The following COL28A1 variants were observed in gnomAD, a reference collection of about 807,000 sequenced individuals.
The protein encoded by COL28A1 is collagen type XXVIII alpha 1 chain.
In COL28A1, 161 loss-of-function variants were observed where a neutral mutation model predicts 150.2. The observed-to-expected ratio is 1.07, with a 90% CI of 0.94 to 1.22. COL28A1 has a LOEUF of 1.22. Ranked by LOEUF, COL28A1 falls within the 50% of genes most tolerant of loss-of-function variation. The pLI is 0.00. For missense variants in COL28A1, 1,617 were observed against 1,388.3 expected, an observed-to-expected ratio of 1.16 and a Z score of -2.62; for synonymous variants, 552 against 469.7, an observed-to-expected ratio of 1.18 and a Z score of -2.26.
At chr7:7,455,917 GACTTAT>G in intron 16 of COL28A1, 121 bp downstream of exon 16, 2 of 1,287,106 alleles carry the variant, frequency 1.6e-6, no homozygotes, top group Non-Finnish European at 2.1e-6. Context: ...TTCACTTCTG[GACTTAT>G]ACTCCACTGC....
At chr7:7,348,042 C>G in the COL28A1 span, among the ~76,000 whole-genome samples, 2 of 151,910 alleles carry the variant, frequency 1.3e-5, no homozygotes, top group Non-Finnish European at 2.9e-5. Context: ...TTAAAAATAG[C>G]AGAAGTCAAC....
At chr7:7,472,153 T>A (rs1788487425) in intron 15 of COL28A1, among the ~76,000 whole-genome samples, 1 of 152,160 alleles carries the variant, frequency 6.6e-6, no homozygotes, top group Admixed American at 6.6e-5. Context: ...TGACACATAG[T>A]ACTGGAAGTC....
At chr7:7,490,515 GC>G in intron 12 of COL28A1, 62 bp downstream of exon 12, 1 of 777,422 alleles carries the variant, frequency 1.3e-6, no homozygotes, top group East Asian at 2.6e-5. Flanking sequence ...TCAAATCATG[GC>G]TCCCCCAGGC....
intron 6 of COL28A1, among the ~76,000 whole-genome samples, chr7:7,518,089 C>T (rs920278465): frequency 3.3e-5 from 5 of 152,146 alleles, no homozygotes; most frequent in African/African-American, 1.2e-4. Context: ...GCTTACACCA[C>T]ATCCCAGTTG....
intron 11 of COL28A1, among the ~76,000 whole-genome samples, chr7:7,497,736 A>C (rs1562836214): frequency 6.6e-6 from 1 of 152,208 alleles, no homozygotes; most frequent in Non-Finnish European, 1.5e-5. Context: ...AGCCAAGGGG[A>C]AATATAATTT....
chr7:7,429,096 T>A (rs2128312551), intron 25 of COL28A1, among the ~76,000 whole-genome samples: 1 of 152,274 alleles, frequency 6.6e-6, no homozygotes, highest in South Asian at 2.1e-4. Context: ...ACCTTAATGG[T>A]TTCCTCATTT....
the COL28A1 span, among the ~76,000 whole-genome samples, chr7:7,340,093 C>T: frequency 2.6e-5 from 4 of 152,092 alleles, no homozygotes; most frequent in East Asian, 3.9e-4. Context: ...CAGATTCAAG[C>T]GGTTCTCCTG....
intron 25 of COL28A1, among the ~76,000 whole-genome samples, chr7:7,429,472 GT>G (rs147608551): frequency 0.17 from 23,079 of 137,406 alleles, 2,365 homozygotes; most frequent in Middle Eastern, 0.24. Context: ...GTGTGTGTGT[GT>G]GGGGGGGGGG....
chr7:7,362,727 G>A (rs1181788825), intron 33 of COL28A1, among the ~76,000 whole-genome samples: 1 of 152,164 alleles, frequency 6.6e-6, no homozygotes, highest in Non-Finnish European at 1.5e-5. Flanking sequence ...AGACAAAACT[G>A]TGGATTACTT....
intron 4 of COL28A1, among the ~76,000 whole-genome samples, chr7:7,523,225 T>C (rs1162141005): frequency 2.0e-5 from 3 of 151,684 alleles, no homozygotes; most frequent in African/African-American, 7.3e-5. Flanking sequence ...AGCAGCAATC[T>C]TGGCTCACTG....
At chr7:7,460,748 A>G (rs776757593) in intron 15 of COL28A1, among the ~76,000 whole-genome samples, 3 of 152,252 alleles carry the variant, frequency 2.0e-5, no homozygotes, top group Non-Finnish European at 4.4e-5. Flanking sequence ...GTCTGGATTC[A>G]AAGCTGCTTT....
chr7:7,400,531 G>A (rs774084815), intron 27 of COL28A1, among the ~76,000 whole-genome samples: 7 of 152,048 alleles, frequency 4.6e-5, no homozygotes, highest in Non-Finnish European at 1.0e-4. Context: ...GTTGTAGAAC[G>A]CATTCTCATG....
At chr7:7,416,566 A>C (rs183156259) in intron 27 of COL28A1, among the ~76,000 whole-genome samples, 39 of 152,332 alleles carry the variant, frequency 2.6e-4, no homozygotes, top group Admixed American at 4.6e-4. Context: ...TAACCACAGA[A>C]TTTAAAGATT....
intron 13 of COL28A1, among the ~76,000 whole-genome samples, chr7:7,485,311 A>AT (rs1184016732): frequency 6.6e-6 from 1 of 152,048 alleles, no homozygotes; most frequent in Non-Finnish European, 1.5e-5. Flanking sequence ...TTCTAATTCG[A>AT]TTTTTATTAT....
At chr7:7,529,289 C>CGA (rs34542201) in intron 3 of COL28A1, among the ~76,000 whole-genome samples, 2 of 127,310 alleles carry the variant, frequency 1.6e-5, no homozygotes, top group African/African-American at 6.0e-5. Context: ...AACTCTGTCT[C>CGA]AAAAAAAAAA....
chr7:7,540,066 A>T (rs1583600909), upstream of COL28A1, among the ~76,000 whole-genome samples: 1 of 115,162 alleles, frequency 8.7e-6, no homozygotes, highest in Admixed American at 8.1e-5. Flanking sequence ...ATTTTAGACC[A>T]AAAATAAATC....
intron 9 of COL28A1, among the ~76,000 whole-genome samples, chr7:7,508,682 T>G (rs546321221): frequency 3.3e-5 from 5 of 152,182 alleles, no homozygotes; most frequent in South Asian, 4.1e-4. Flanking sequence ...GTTGCTGGTG[T>G]TGTTGTTGTT....
intron 27 of COL28A1, among the ~76,000 whole-genome samples, chr7:7,398,883 T>A (rs1363242794): frequency 6.6e-6 from 1 of 152,200 alleles, no homozygotes; most frequent in African/African-American, 2.4e-5. Context: ...GATGTCAGTT[T>A]GCCTTTAACT....
At chr7:7,352,629 T>G (rs1053446021), downstream of COL28A1, among the ~76,000 whole-genome samples, 1 of 152,170 alleles carries the variant, frequency 6.6e-6, no homozygotes, top group Non-Finnish European at 1.5e-5. Flanking sequence ...CCTTTAGATG[T>G]TGGAAAAGAC....
Sources: allele counts gnomAD v4.1 joint callset (sites outside exome capture counted in the v4.1 genomes callset), GRCh38; gene constraint gnomAD v4.1.1; transcripts MANE v1.5; gene names NCBI Gene and HGNC (gene_info 2026-07-23, HGNC 2026-07-21).